TEAD4: variants seen among roughly 807,000 people sequenced by gnomAD.
TEAD4 encodes transcriptional enhancer factor TEF-3.
In TEAD4, 36 loss-of-function variants were observed where a neutral mutation model predicts 52.4. That is an observed-to-expected ratio of 0.69 (90% confidence interval 0.53 to 0.91). The LOEUF (loss-of-function observed/expected upper bound fraction) is 0.91, where lower values mean the gene tolerates loss of function less well. Among genes scored for constraint, TEAD4 ranks in the 40% least tolerant of loss-of-function variants. The pLI is 0.00. For missense variants in TEAD4, 508 were observed against 583.9 expected, an observed-to-expected ratio of 0.87 and a Z score of 1.34; for synonymous variants, 220 against 231.0, an observed-to-expected ratio of 0.95 and a Z score of 0.43.
At chr12:3,033,527 A>G (rs1472910002) in intron 10 of TEAD4, among the ~76,000 whole-genome samples, 3 of 152,200 alleles carry the variant, frequency 2.0e-5, no homozygotes, top group Non-Finnish European at 4.4e-5. Context: ...GAGGCAGCAG[A>G]GTACCCCAGG....
intron 2 of TEAD4, among the ~76,000 whole-genome samples, chr12:2,985,137 C>T (rs886266295): frequency 6.6e-6 from 1 of 152,110 alleles, no homozygotes; most frequent in Non-Finnish European, 1.5e-5. Flanking sequence ...GTAATCCCAG[C>T]ACTTTGGGAG....
At chr12:2,995,040 G>GGCC (rs1351743644) in intron 3 of TEAD4, 48 bp downstream of exon 3, 2 of 1,583,706 alleles carry the variant, frequency 1.3e-6, no homozygotes, top group Admixed American at 3.5e-5. Context: ...TGAGGCAAGG[G>GGCC]GCCGACACCA....
At chr12:2,972,444 A>G (rs983006505) in intron 2 of TEAD4, among the ~76,000 whole-genome samples, 1 of 109,080 alleles carries the variant, frequency 9.2e-6, no homozygotes, top group Admixed American at 9.8e-5. Context: ...AGAAGGTCTT[A>G]TTTTACGTTC....
chr12:3,019,377 C>G (rs1467256580), intron 8 of TEAD4, among the ~76,000 whole-genome samples: 1 of 152,250 alleles, frequency 6.6e-6, no homozygotes. Context: ...CTTCATGCCC[C>G]TCGGGTTGCC....
intron 2 of TEAD4, among the ~76,000 whole-genome samples, chr12:2,980,337 GCCTGCCAATCCA>G (rs1565527354): frequency 1.3e-5 from 2 of 152,148 alleles, no homozygotes; most frequent in Admixed American, 6.5e-5. Context: ...AGCTCCCTTA[GCCTGCCAATCCA>G]GGCTACCCCT....
intron 2 of TEAD4, among the ~76,000 whole-genome samples, chr12:2,968,755 C>A (rs1488956750): frequency 1.3e-5 from 2 of 151,880 alleles, no homozygotes; most frequent in Non-Finnish European, 2.9e-5. Flanking sequence ...CTCAGATGGT[C>A]CTCCTGCCTC....
At chr12:2,998,567 G>C (rs978821187) in intron 3 of TEAD4, among the ~76,000 whole-genome samples, 1 of 151,858 alleles carries the variant, frequency 6.6e-6, no homozygotes, top group Non-Finnish European at 1.5e-5. Flanking sequence ...AGTGAGGAGA[G>C]GCAGAGGTGC....
chr12:3,040,066 A>T (rs1462756225), intron 11 of TEAD4, 41 bp from the exon 12 acceptor site: 4 of 1,608,476 alleles, frequency 2.5e-6, no homozygotes, highest in Non-Finnish European at 3.4e-6. Context: ...GGAGGTGGTC[A>T]GAATGGGATT....
intron 2 of TEAD4, among the ~76,000 whole-genome samples, chr12:2,981,952 C>T (rs2098234367): frequency 6.6e-6 from 1 of 152,190 alleles, no homozygotes; most frequent in African/African-American, 2.4e-5. Context: ...TCTGAATTCT[C>T]TGTCTCAGCT....
rs971861057 is a variant in TEAD4 at position 2,991,347 on chromosome 12, A to G, written c.-29-3391A>G. ...CTTATCTACTATATTGCCAGAAATTAAAGTTGGCAACTCTTTTAAGTAGTT... is the reference window on the plus strand; with the variant it reads ...CTTATCTACTATATTGCCAGAAATTGAAGTTGGCAACTCTTTTAAGTAGTT... On this transcript the variant is annotated intron_variant, in intron 2 of 12. Transcript: ENST00000359864. Among the ~76,000 whole-genome samples the G allele has an allele frequency of 3.9e-5, 6 of 152,238 alleles. No individual in the cohort carries two copies. The East Asian group carries it at 5.8e-4, about 15-fold the overall frequency.
In TEAD4 at chr12:3,021,976, G is replaced by T; in HGVS notation, c.856G>T (p.Glu286Ter). 6.2e-7 allele frequency: 1 copy of T among 1,614,230 alleles called. No individual in the cohort carries two copies. The highest frequency in any genetic ancestry group is 1.3e-5 in the African/African-American group (1 of 75,056). Residue 286 changes from glutamate (E) to a stop codon, truncating the protein, a stop_gained, in exon 10 of 13, where the codon GAA (glutamate) becomes TAA (stop). Transcript: ENST00000359864. LOFTEE classifies it high-confidence loss of function. ...AAAGGGTGGACTCAAGGATCTCTTC[G>T]AACGGGGACCCTCCAATGCCTTTTT...
At chr12:2,995,033 G>A in intron 3 of TEAD4, 41 bp downstream of exon 3, 1 of 1,592,142 alleles carries the variant, frequency 6.3e-7, no homozygotes, top group East Asian at 2.2e-5. Context: ...CTGAGGCTGA[G>A]GCAAGGGGCC....
At chr12:2,992,458 C>T (rs1046224803) in intron 2 of TEAD4, among the ~76,000 whole-genome samples, 1 of 152,184 alleles carries the variant, frequency 6.6e-6, no homozygotes, top group Non-Finnish European at 1.5e-5. Flanking sequence ...GATCCTCACC[C>T]CCTCCCTCAC....
intron 10 of TEAD4, among the ~76,000 whole-genome samples, chr12:3,033,454 T>C (rs1044504499): frequency 2.6e-5 from 4 of 152,148 alleles, no homozygotes; most frequent in Admixed American, 2.6e-4. Context: ...AGAGGGGGCC[T>C]TTGGTGGCCA....
chr12:3,004,209 A>C (rs973427126), intron 3 of TEAD4, among the ~76,000 whole-genome samples: 1 of 152,222 alleles, frequency 6.6e-6, no homozygotes, highest in Non-Finnish European at 1.5e-5. Context: ...GGATTGATCC[A>C]AAGGGAAGGA....
rs1002556160 is a variant in TEAD4, at chr12:3,012,308, G to A, written c.354+76G>A. 14 of 1,493,510 alleles carry A rather than the reference G, an allele frequency of 9.4e-6. No individual in the cohort carries two copies. The African/African-American group carries it at 1.2e-4, about 13-fold the overall frequency. The allele number at this position is 1,493,510 out of a possible 1,614,324, so 92.5% of individuals were successfully genotyped here. ...AGCATATCTTCCCTTTGGGGTCAGG[G>A]CATCACTGCTGGTGTGCAAGTCAGT... On this transcript the variant is annotated intron_variant, in intron 5 of 12. Transcript: ENST00000359864.
chr12:2,992,118 A>G (rs1304318873), intron 2 of TEAD4, among the ~76,000 whole-genome samples: 1 of 146,310 alleles, frequency 6.8e-6, no homozygotes, highest in African/African-American at 2.5e-5. Flanking sequence ...TCCCGGGTTC[A>G]AGTGATTCTC....
intron 2 of TEAD4, among the ~76,000 whole-genome samples, chr12:2,983,391 T>C (rs1030493306): frequency 6.6e-6 from 1 of 152,156 alleles, no homozygotes; most frequent in African/African-American, 2.4e-5. Flanking sequence ...CATGAAAGTC[T>C]GCAAGGTACT....
chr12:3,013,771 T>TG (rs1181483073), intron 5 of TEAD4, among the ~76,000 whole-genome samples: 14 of 152,290 alleles, frequency 9.2e-5, no homozygotes, highest in African/African-American at 3.1e-4. Flanking sequence ...TGCACGCCTG[T>TG]AATCCCAGGT....
Sources: allele counts gnomAD v4.1 joint callset (sites outside exome capture counted in the v4.1 genomes callset), GRCh38; gene constraint gnomAD v4.1.1; transcripts MANE v1.5; gene names NCBI Gene and HGNC (gene_info 2026-07-23, HGNC 2026-07-21).